Variants in BTBD9 observed in about 807,000 individuals in gnomAD.
The protein encoded by BTBD9 is BTB/POZ domain-containing protein 9.
Under a neutral mutation model 64.3 loss-of-function variants are expected in BTBD9, and 49 were observed. That is an observed-to-expected ratio of 0.76 (90% confidence interval 0.61 to 0.97). BTBD9 has a LOEUF of 0.97. Ranked by LOEUF, BTBD9 falls within the 50% of genes least tolerant of loss-of-function variation. The pLI, the probability that BTBD9 is intolerant of heterozygous loss-of-function variation, is 0.00. For synonymous variants in BTBD9, 260 were observed against 274.7 expected (o/e 0.95, Z 0.53); for missense variants, 598 against 762.1 (o/e 0.78, Z 2.53).
intron 2 of BTBD9, among the ~76,000 whole-genome samples, chr6:38,596,538 A>G (rs945386148): frequency 1.3e-5 from 2 of 152,128 alleles, no homozygotes; most frequent in Non-Finnish European, 2.9e-5. Flanking sequence ...CAGTGGCTCA[A>G]GCCTGTAATC....
intron 6 of BTBD9, among the ~76,000 whole-genome samples, chr6:38,491,951 T>A (rs981582419): frequency 2.6e-5 from 4 of 152,116 alleles, no homozygotes; most frequent in African/African-American, 9.7e-5. Flanking sequence ...ACTTTCCTTT[T>A]CCAAAAAACA....
intron 9 of BTBD9, among the ~76,000 whole-genome samples, chr6:38,218,784 A>AT (rs112664668): frequency 6.6e-6 from 1 of 152,096 alleles, no homozygotes; most frequent in African/African-American, 2.4e-5. Context: ...GCTTGACTTA[A>AT]TTTTTTTTAT....
intron 6 of BTBD9, among the ~76,000 whole-genome samples, chr6:38,434,289 G>C (rs749346393): frequency 1.3e-5 from 2 of 151,956 alleles, no homozygotes; most frequent in African/African-American, 4.8e-5. Context: ...GAAAACATTC[G>C]TCATCTGTTG....
At chr6:38,304,718 A>AC (rs1476057356) in intron 7 of BTBD9, among the ~76,000 whole-genome samples, 2 of 152,284 alleles carry the variant, frequency 1.3e-5, no homozygotes, top group East Asian at 3.9e-4. Flanking sequence ...GGCATGAACT[A>AC]CCATGCCTGG....
At position 38,379,962 on chromosome 6, in the gene BTBD9, T is replaced by C. The variant is rs1034183419; in HGVS notation, c.1155-34869A>G. 7.2e-5 allele frequency among the ~76,000 whole-genome samples: 11 copies of C among 152,014 alleles called. 1 individual carries two copies. Among genetic ancestry groups the C allele is most frequent in the Non-Finnish European group, 8.8e-5 (6 of 67,984 alleles). ...AAAGAAAGATGTCCCACATAGAAAATATAGGTATGTATAAATGCCCAAAGA... is the reference window on the plus strand; with the variant it reads ...AAAGAAAGATGTCCCACATAGAAAACATAGGTATGTATAAATGCCCAAAGA... On this transcript the variant is annotated intron_variant, in intron 6 of 10. Transcript: ENST00000481247.
intron 6 of BTBD9, among the ~76,000 whole-genome samples, chr6:38,542,287 CCCGCACCCA>C (rs1285446900): frequency 6.6e-6 from 1 of 152,176 alleles, no homozygotes; most frequent in Non-Finnish European, 1.5e-5. Context: ...GTTTGGTCTT[CCCGCACCCA>C]CAGTATGTCT....
At chr6:38,565,475 T>C (rs920509207) in intron 6 of BTBD9, among the ~76,000 whole-genome samples, 9 of 149,848 alleles carry the variant, frequency 6.0e-5, no homozygotes, top group Middle Eastern at 3.4e-3. Flanking sequence ...AAAAGCCCTA[T>C]AAAACCATCT....
At chr6:38,628,593 T>A (rs577101159) in intron 1 of BTBD9, among the ~76,000 whole-genome samples, 5 of 152,048 alleles carry the variant, frequency 3.3e-5, no homozygotes, top group Middle Eastern at 3.4e-3. Context: ...AAACTGGAGG[T>A]GTCAGTATGA....
chr6:38,469,930 C>G (rs891909678), intron 6 of BTBD9, among the ~76,000 whole-genome samples: 1 of 152,256 alleles, frequency 6.6e-6, no homozygotes, highest in East Asian at 1.9e-4. Context: ...TGAGCACGTA[C>G]ACAAGAATTT....
intron 6 of BTBD9, among the ~76,000 whole-genome samples, chr6:38,570,412 A>G (rs1775711308): frequency 6.6e-6 from 1 of 152,156 alleles, no homozygotes; most frequent in Admixed American, 6.5e-5. Flanking sequence ...CTCACCTATA[A>G]AATTAAGTAG....
intron 8 of BTBD9, among the ~76,000 whole-genome samples, chr6:38,279,993 A>G (rs1761446989): frequency 6.6e-6 from 1 of 152,126 alleles, no homozygotes; most frequent in East Asian, 1.9e-4. Flanking sequence ...AATCACACAC[A>G]TGAACACACA....
chr6:38,417,366 T>C (rs556149298), intron 6 of BTBD9, among the ~76,000 whole-genome samples: 1 of 152,368 alleles, frequency 6.6e-6, no homozygotes, highest in South Asian at 2.1e-4. Context: ...ATTGCACTTA[T>C]CTAATTCACA....
intron 7 of BTBD9, among the ~76,000 whole-genome samples, chr6:38,298,499 T>C (rs538449986): frequency 3.3e-5 from 5 of 152,344 alleles, no homozygotes; most frequent in African/African-American, 1.2e-4. Flanking sequence ...TTCTATGTAC[T>C]GAAAACATCT....
intron 6 of BTBD9, among the ~76,000 whole-genome samples, chr6:38,505,221 A>T (rs1772412886): frequency 6.6e-6 from 1 of 152,114 alleles, no homozygotes; most frequent in Admixed American, 6.5e-5. Flanking sequence ...TCATGGCTTT[A>T]AGCAAATCTA....
intron 6 of BTBD9, among the ~76,000 whole-genome samples, chr6:38,556,463 A>C (rs1775015593): frequency 6.6e-6 from 1 of 151,832 alleles, no homozygotes; most frequent in South Asian, 2.1e-4. Context: ...TAGAAGATTA[A>C]GAGATATATA....
At chr6:38,559,688 T>A (rs893788497) in intron 6 of BTBD9, among the ~76,000 whole-genome samples, 1 of 151,920 alleles carries the variant, frequency 6.6e-6, no homozygotes. Flanking sequence ...CACTATAAGG[T>A]TACAGTAATG....
intron 10 of BTBD9, among the ~76,000 whole-genome samples, chr6:38,187,306 C>T (rs967152022): frequency 2.0e-5 from 3 of 152,134 alleles, no homozygotes; most frequent in South Asian, 4.1e-4. Flanking sequence ...GGCAGGTGAA[C>T]GACCACACAG....
chr6:38,195,750 AACTT>A (rs1392830255), intron 9 of BTBD9, among the ~76,000 whole-genome samples: 4 of 152,112 alleles, frequency 2.6e-5, no homozygotes, highest in African/African-American at 9.7e-5. Context: ...AAAAATTTTA[AACTT>A]ATTTACTTTT....
At chr6:38,288,650 C>T (rs1184545093) in intron 7 of BTBD9, among the ~76,000 whole-genome samples, 189 bp from the exon 8 acceptor site, 1 of 152,148 alleles carries the variant, frequency 6.6e-6, no homozygotes, top group Non-Finnish European at 1.5e-5. Flanking sequence ...ATGTTAAGCC[C>T]AGTGGGCATG....
Sources: gnomAD v4.1 joint callset for allele counts (sites outside exome capture counted in the v4.1 genomes callset) on GRCh38, gnomAD v4.1.1 for gene constraint, MANE v1.5 for transcripts, NCBI Gene and HGNC (gene_info 2026-07-23, HGNC 2026-07-21) for gene names.